Variants in DUSP15 observed in about 807,000 individuals in gnomAD.
The protein encoded by DUSP15 is dual specificity protein phosphatase 15.
In DUSP15, 23 loss-of-function variants were observed where a neutral mutation model predicts 26.3. The ratio of observed to expected loss-of-function variants is 0.87; its 90% CI spans 0.63 to 1.24. The LOEUF (loss-of-function observed/expected upper bound fraction) is 1.24. Ranked by LOEUF, DUSP15 falls within the 50% of genes most tolerant of loss-of-function variation. The pLI is 0.00. For missense variants in DUSP15, 364 were observed against 320.6 expected, an observed-to-expected ratio of 1.14 and a Z score of -1.03; for synonymous variants, 143 against 135.5, an observed-to-expected ratio of 1.06 and a Z score of -0.39.
chr20:31,852,061 G>T (rs929032164), intron 6 of DUSP15, among the ~76,000 whole-genome samples: 1 of 149,040 alleles, frequency 6.7e-6, no homozygotes, highest in Non-Finnish European at 1.5e-5. Context: ...AGGCTGGAGT[G>T]CAATGGTGCG....
chr20:31,861,300 G>T lies in DUSP15; in HGVS notation c.*103C>A. On this transcript the variant is annotated 3_prime_UTR_variant, in exon 7 of 7. Transcript: ENST00000339738. ...CGGGAGGCAGGGTTCAGGCCGCCGC[G>T]GGGCTCCCCCAGCCTCTGGGCCCGT... is the stretch of plus-strand genomic sequence containing the variant. 7.3e-7 allele frequency: 1 copy of T among 1,370,778 alleles called. No homozygotes were observed. The highest frequency in any genetic ancestry group is 3.1e-5 in the East Asian group (1 of 32,324). The allele number at this position is 1,370,778 out of a possible 1,614,324, so 84.9% of individuals were successfully genotyped here.
chr20:31,849,803 C>T (rs751698740), exon 8 of DUSP15: 2 of 1,535,534 alleles, frequency 1.3e-6, no homozygotes, highest in South Asian at 1.2e-5. Context: ...CAGACGACAG[C>T]GCTGGGCTGT....
At chr20:31,851,251 G>A (rs1354861383) in intron 6 of DUSP15, among the ~76,000 whole-genome samples, 1 of 152,048 alleles carries the variant, frequency 6.6e-6, no homozygotes, top group Admixed American at 6.6e-5. Flanking sequence ...GAGATGAAAG[G>A]TATGCGGGAC....
rs758630209 is a variant in DUSP15, at chr20:31,862,650, T to G, written c.356A>C (p.Lys119Thr). ...GGGGTTGGCGATGGGCCTGGTGGCCTTGATGGCTTCAAGCACGTCCCGCCA... is the reference window on the plus strand; with the variant it reads ...GGGGTTGGCGATGGGCCTGGTGGCCGTGATGGCTTCAAGCACGTCCCGCCA... The part of the protein sequence containing the change: ...LGWRDVLEAI[K>T]ATRPIANPNP... Residue 119 changes from lysine to threonine, a missense_variant, in exon 6 of 7, where the codon AAG becomes ACG. Coordinates refer to ENST00000339738, the MANE Select transcript of DUSP15 (RefSeq NM_080611.5). The G allele has an allele frequency of 3.7e-6, 6 of 1,614,136 alleles. No individual in the cohort carries two copies. Among genetic ancestry groups the G allele is most frequent in the Non-Finnish European group, 5.1e-6 (6 of 1,180,012 alleles).
At chr20:31,863,197 G>A (rs947302037) in intron 5 of DUSP15, among the ~76,000 whole-genome samples, 2 of 152,130 alleles carry the variant, frequency 1.3e-5, no homozygotes, top group African/African-American at 4.8e-5. Context: ...GTGGGGTGGG[G>A]TTAGGGAAGG....
chr20:31,845,789 G>A (rs1391585187), downstream of DUSP15, among the ~76,000 whole-genome samples: 1 of 152,242 alleles, frequency 6.6e-6, no homozygotes, highest in Non-Finnish European at 1.5e-5. Context: ...GGGATGAGGA[G>A]TTGGGAAGGA....
intron 6 of DUSP15, among the ~76,000 whole-genome samples, chr20:31,855,840 C>A (rs1247096930): frequency 6.6e-6 from 1 of 152,198 alleles, no homozygotes; most frequent in Non-Finnish European, 1.5e-5. Context: ...AATGAGCCTT[C>A]ACCTTTGGAG....
chr20:31,870,328 C>T lies in DUSP15; in HGVS notation c.10G>A (p.Gly4Ser). MGN[G>S]MTKVLPGLYL... Reference sequence around the variant, plus strand: ...GGCCCGCCCCCTACCTTGGTCATGCCATTGCCCATGATCCCGGGGGCGGCG... The same window carrying T: ...GGCCCGCCCCCTACCTTGGTCATGCTATTGCCCATGATCCCGGGGGCGGCG... The change falls in exon 1 of 7, where the codon GGC becomes AGC. Residue 4 changes from glycine to serine, a missense_variant. Physicochemically the swap from Gly to Ser is moderately conservative, Grantham distance 56 (BLOSUM62 0). Transcript: ENST00000339738. This position sits in a 1 kb window ranked among gnomAD's most constrained non-coding sequence, Gnocchi z 6.6. 9 of 1,271,830 alleles carry T rather than the reference C, an allele frequency of 7.1e-6. No homozygotes were observed. Among genetic ancestry groups the T allele is most frequent in the Non-Finnish European group, 8.9e-6 (9 of 1,009,738 alleles). The allele number at this position is 1,271,830 out of a possible 1,614,324, so 78.8% of individuals were successfully genotyped here.
intron 2 of DUSP15, among the ~76,000 whole-genome samples, chr20:31,867,657 T>C (rs2062802446): frequency 1.1e-5 from 1 of 88,396 alleles, no homozygotes; most frequent in East Asian, 4.3e-4. Context: ...TTTTTTTTTT[T>C]TTTTTGAGAC....
upstream of DUSP15, chr20:31,870,587 T>C (rs2062904008): frequency 2.8e-6 from 4 of 1,418,096 alleles, no homozygotes; most frequent in South Asian, 1.5e-5. This position sits in a 1 kb window ranked among gnomAD's most constrained non-coding sequence, Gnocchi z 6.6. Flanking sequence ...CCTTCGGTCA[T>C]GTGGGGCCCC....
At chr20:31,852,535 G>A (rs1359731636) in intron 6 of DUSP15, among the ~76,000 whole-genome samples, 1 of 152,194 alleles carries the variant, frequency 6.6e-6, no homozygotes, top group Non-Finnish European at 1.5e-5. Context: ...TGTTGGCCGG[G>A]CATGGTGGCT....
At chr20:31,855,579 G>GGAT (rs1453690722) in intron 6 of DUSP15, among the ~76,000 whole-genome samples, 1 of 152,184 alleles carries the variant, frequency 6.6e-6, no homozygotes, top group African/African-American at 2.4e-5. Flanking sequence ...GTGGATTGAG[G>GGAT]GATGGGTCAG....
exon 10 of DUSP15, chr20:31,848,471 C>T: frequency 6.2e-7 from 1 of 1,611,998 alleles, no homozygotes; most frequent in Non-Finnish European, 8.5e-7. Context: ...GTGAGTGATG[C>T]CATCGGGGTT....
chr20:31,861,160 GC>G lies in DUSP15; in HGVS notation c.*242del. The G allele has an allele frequency of 7.5e-7, 1 of 1,327,682 alleles. No homozygotes were observed. The highest frequency in any genetic ancestry group is 9.6e-7 in the Non-Finnish European group (1 of 1,045,062). 82.2% of individuals were successfully genotyped at this position (1,327,682 alleles called of 1,614,324 possible). Reference sequence around the variant, plus strand: ...CCCCTCCCGCCGCCTTTAAGGGTGGGCCCCCTCCCCCAGCCCAAGGACTAAG... The same window carrying G: ...CCCCTCCCGCCGCCTTTAAGGGTGGGCCCCTCCCCCAGCCCAAGGACTAAG... On this transcript the variant is annotated 3_prime_UTR_variant, in exon 7 of 7. Transcript: ENST00000339738.
At chr20:31,864,222 G>A in intron 4 of DUSP15, 3 of 1,289,276 alleles carry the variant, frequency 2.3e-6, no homozygotes, top group Non-Finnish European at 3.0e-6. Context: ...CACCATCTAG[G>A]CAGGAGCACT....
chr20:31,862,496 C>T, intron 6 of DUSP15, 75 bp downstream of exon 6: 2 of 1,481,006 alleles, frequency 1.4e-6, no homozygotes, highest in Middle Eastern at 4.8e-4. Context: ...AAAAATGTTC[C>T]AATCAGTGAT....
At chr20:31,846,309 C>G (rs6579300), downstream of DUSP15, among the ~76,000 whole-genome samples, 37 of 151,696 alleles carry the variant, frequency 2.4e-4, 1 homozygote, top group African/African-American at 7.8e-4. Context: ...CACACACACA[C>G]ACACACACAC....
At chr20:31,845,618 C>G, downstream of DUSP15, 2 of 1,542,728 alleles carry the variant, frequency 1.3e-6, no homozygotes, top group Non-Finnish European at 1.8e-6. Flanking sequence ...GAATAGCCTG[C>G]CCAGGCTGGT....
Position 31,865,573 on chromosome 20 carries a change from C to G in DUSP15, c.139-571G>C, listed in dbSNP as rs1198015729. Among the ~76,000 whole-genome samples the G allele has an allele frequency of 2.6e-5, 4 of 152,166 alleles. No homozygotes were observed. In the East Asian group the frequency reaches 7.7e-4, roughly 29 times the overall value. On this transcript the variant is annotated intron_variant, in intron 3 of 6. Transcript: ENST00000339738. ...TTTTTGCCCGCCTCCTGAGGACCTCCTTGCTTTTCTCGAGAAACTGTCTTA... is the reference window on the plus strand; with the variant it reads ...TTTTTGCCCGCCTCCTGAGGACCTCGTTGCTTTTCTCGAGAAACTGTCTTA...
Sources: allele counts gnomAD v4.1 joint callset (sites outside exome capture counted in the v4.1 genomes callset), GRCh38; gene constraint gnomAD v4.1.1; non-coding constraint Gnocchi (gnomAD v3.1); transcripts MANE v1.5; gene names NCBI Gene and HGNC (gene_info 2026-07-23, HGNC 2026-07-21).